The following POLR1G variants were observed in gnomAD, a reference collection of about 807,000 sequenced individuals.
POLR1G encodes the protein DNA-directed RNA polymerase I subunit RPA34.
Under a neutral mutation model 6.3 loss-of-function variants are expected in POLR1G, and 9 were observed. The ratio of observed to expected loss-of-function variants is 1.44; its 90% CI spans 0.87 to 2.51. The LOEUF is 2.51. Ranked by LOEUF, POLR1G falls within the 30% of genes most tolerant of loss-of-function variation. The pLI, the probability that POLR1G is intolerant of heterozygous loss-of-function variation, is 0.00. For missense variants in POLR1G, 617 were observed against 632.5 expected (o/e 0.98, Z 0.26); for synonymous variants, 248 against 256.5 (o/e 0.97, Z 0.32).
At position 45,408,624 on chromosome 19, in the gene POLR1G, A is replaced by G. The variant is rs778011053; in HGVS notation, c.656A>G (p.Gln219Arg). 11 of 1,613,694 alleles carry G rather than the reference A, an allele frequency of 6.8e-6. No homozygotes were observed. Among genetic ancestry groups the G allele is most frequent in the Non-Finnish European group, 9.3e-6 (11 of 1,180,036 alleles). ...DVRKKKKKKN[Q>R]QLKEPEAAGP... ...CGGAAGAAGAAGAAGAAAAAAAATC[A>G]GCAGCTGAAAGAACCAGAGGCAGCA... is the stretch of plus-strand genomic sequence containing the variant. Residue 219 changes from glutamine (Q) to arginine (R), a missense_variant, in exon 3 of 3, where the codon CAG becomes CGG. Coordinates refer to ENST00000309424, the MANE Select transcript of POLR1G (RefSeq NM_012099.3).
chr19:45,406,796 A>AAAGGAGGCGTACCTGCAAG lies in POLR1G; in HGVS notation c.22+79_22+97dup. 1 of 1,352,736 alleles carries AAAGGAGGCGTACCTGCAAG rather than the reference A, an allele frequency of 7.4e-7. No homozygotes were observed. The highest frequency in any genetic ancestry group is 9.9e-7 in the Non-Finnish European group (1 of 1,009,872). The allele number at this position is 1,352,736 out of a possible 1,614,324, so 83.8% of individuals were successfully genotyped here. A position where few individuals can be genotyped will look rare whatever the true frequency, so the allele number is the denominator to read the frequency against. The stretch of plus-strand genomic sequence containing the variant: ...GGGCGTCCGAGAGGGTTCGGGCGGA[A>AAAGGAGGCGTACCTGCAAG]AAGGAGGCGTACCTGCAAGCAGGAC... On this transcript the variant is annotated intron_variant, in intron 1 of 2. Coordinates refer to ENST00000309424, the MANE Select transcript of POLR1G (RefSeq NM_012099.3). The surrounding 1 kb of genome is among the most constrained non-coding windows in gnomAD (Gnocchi z 4.2).
rs371868030 is a variant in POLR1G at position 45,408,955 on chromosome 19, G to C, written c.987G>C (p.Lys329Asn). Residue 329 changes from lysine (K) to asparagine (N), a missense_variant, in exon 3 of 3, where the codon AAG (lysine) becomes AAC (asparagine). Physicochemically the swap from Lys to Asn is moderately conservative, Grantham distance 94. Transcript: ENST00000309424. ...CCATCCCTCTGCCCCCTACGAAGAA[G>C]AGGAAAAAAGAAAAGGGACAGATGG... ...EEAIPLPPTK[K>N]RKKEKGQMAM... The C allele has an allele frequency of 2.5e-6, 4 of 1,613,914 alleles. No individual in the cohort carries two copies. In the African/African-American group the frequency reaches 4.0e-5, roughly 16 times the overall value.
rs756380267 is a variant in POLR1G at position 45,409,170 on chromosome 19, C to T, written c.1202C>T (p.Thr401Ile). 5 of 1,613,548 alleles carry T rather than the reference C, an allele frequency of 3.1e-6. No individual in the cohort carries two copies. The Admixed American group carries it at 8.3e-5, about 27-fold the overall frequency. ...KQQDATVEPE[T>I]EVVGPELPDD... ...CAAGATGCCACAGTGGAGCCAGAGA[C>T]AGAGGTGGTGGGGCCTGAGCTGCCG... Residue 401 changes from threonine to isoleucine, a missense_variant, in exon 3 of 3, where the codon ACA (threonine) becomes ATA (isoleucine). Coordinates refer to ENST00000309424, the MANE Select transcript of POLR1G (RefSeq NM_012099.3).
At position 45,409,895 on chromosome 19, in the gene POLR1G, A is replaced by ATTT. The variant is rs57573120; in HGVS notation, c.*406_*408dup. 196 of 171,570 alleles carry ATTT rather than the reference A, an allele frequency of 1.1e-3. No individual in the cohort carries two copies. Among genetic ancestry groups the ATTT allele is most frequent in the South Asian group, 9.6e-3 (44 of 4,566 alleles). The allele number at this position is 171,570 out of a possible 1,614,324, so 10.6% of individuals were successfully genotyped here. A position where few individuals can be genotyped will look rare whatever the true frequency, so the allele number is the denominator to read the frequency against. On this transcript the variant is annotated 3_prime_UTR_variant, in exon 3 of 3. Coordinates refer to ENST00000309424, the MANE Select transcript of POLR1G (RefSeq NM_012099.3). The stretch of plus-strand genomic sequence containing the variant: ...TTTTTAAGTTATTATTATTATTATT[A>ATTT]TTTTTTTTTTTTTTGAGATGGAGTC...
intron 2 of POLR1G, 43 bp from the exon 3 acceptor site, chr19:45,408,090 C>A (rs1973456649): frequency 1.3e-5 from 19 of 1,509,548 alleles, no homozygotes; most frequent in Non-Finnish European, 1.5e-5. Context: ...CCTTCCCTCT[C>A]CTGTTCCACT....
At position 45,409,240 on chromosome 19, in the gene POLR1G, G is replaced by A; in HGVS notation, c.1272G>A (p.Lys424=). 6.2e-7 allele frequency: 1 copy of A among 1,611,622 alleles called. No homozygotes were observed. Among genetic ancestry groups the A allele is most frequent in the Non-Finnish European group, 8.5e-7 (1 of 1,178,078 alleles). Residue 424 remains lysine (K), a synonymous_variant, in exon 3 of 3, where the codon AAG becomes AAA. Coordinates refer to ENST00000309424, the MANE Select transcript of POLR1G (RefSeq NM_012099.3). ...CAGCTCCCACATCCACCAAGAAGAA[G>A]AAGAAGAAGAAAGAGAGAGGTCACA... ...PQAAPTSTKK[K]KKKKERGHTV... is the part of the protein sequence containing the mutation.
chr19:45,408,223 C>G lies in POLR1G; in HGVS notation c.255C>G (p.Ser85Arg). The G allele has an allele frequency of 6.2e-7, 1 of 1,614,176 alleles. No individual in the cohort carries two copies. The highest frequency in any genetic ancestry group is 1.7e-5 in the Admixed American group (1 of 60,020). The change falls in exon 3 of 3, where the codon AGC becomes AGG. Residue 85 changes from serine to arginine, a missense_variant. By Grantham distance (110) the Ser-to-Arg change is moderately radical. Transcript: ENST00000309424. ...GGCACCGCTATCGAGTCCTCAGCAG[C>G]TGTCCCCAAGCTGGAGAAGCGACCC... ...GKRHRYRVLS[S>R]CPQAGEATLL...
chr19:45,407,180 G>A lies in POLR1G; in HGVS notation c.109G>A (p.Gly37Ser). 6.2e-7 allele frequency: 1 copy of A among 1,613,166 alleles called. No homozygotes were observed. Among genetic ancestry groups the A allele is most frequent in the Non-Finnish European group, 8.5e-7 (1 of 1,179,774 alleles). Residue 37 changes from glycine (G) to serine (S), a missense_variant, in exon 2 of 3, where the codon GGT (glycine) becomes AGT (serine). Coordinates refer to ENST00000309424, the MANE Select transcript of POLR1G (RefSeq NM_012099.3). ...SPRFSLEALT[G>S]PDTELWLIQA... ...TCGTTTCTCCTTGGAGGCGCTGACG[G>A]GTCCAGATACGGAGCTGTGGCTTAT...
chr19:45,406,763 G>A lies in POLR1G; in HGVS notation c.22+45G>A, dbSNP rs1306226918. ...GGGTGCGGAGGGTGCGTTGGTGGAA[G>A]GAGAAAGGGGCGTCCGAGAGGGTTC... On this transcript the variant is annotated intron_variant, in intron 1 of 2. Transcript: ENST00000309424. The surrounding 1 kb of genome is among the most constrained non-coding windows in gnomAD (Gnocchi z 4.2). The A allele has an allele frequency of 2.7e-6, 4 of 1,491,610 alleles. No homozygotes were observed. Among genetic ancestry groups the A allele is most frequent in the East Asian group, 5.3e-5 (2 of 37,742 alleles). 92.4% of individuals were successfully genotyped at this position (1,491,610 alleles called of 1,614,324 possible). A position where few individuals can be genotyped will look rare whatever the true frequency, so the allele number is the denominator to read the frequency against.
rs1309510894 is a variant in POLR1G at position 45,408,136 on chromosome 19, C to G, written c.168C>G (p.Phe56Leu). 1 of 1,595,300 alleles carries G rather than the reference C, an allele frequency of 6.3e-7. No individual in the cohort carries two copies. Residue 56 changes from phenylalanine (F) to leucine (L), a missense_variant, in exon 3 of 3, where the codon TTC becomes TTG. Transcript: ENST00000309424. ...CCCTCCCTGTTTCTCTCTGTAGCTT[C>G]AATGGGCGGCATGTGCCTCTCTCTG... is the stretch of plus-strand genomic sequence containing the variant. ...QAPADFAPEC[F>L]NGRHVPLSGS...
chr19:45,410,598 G>GTGTGTGTGTGTGTGT lies in POLR1G; in HGVS notation c.*1098_*1099insGTGTGTGTGTGTGTT, dbSNP rs1187372053. On this transcript the variant is annotated 3_prime_UTR_variant, in exon 3 of 3. Coordinates refer to ENST00000309424, the MANE Select transcript of POLR1G (RefSeq NM_012099.3). ...GTGTGTGTGTGTGTGTGTGTGTGTG[G>GTGTGTGTGTGTGTGT]TACCCATTAACCTTCCCCATCTCCC... 1.7e-5 allele frequency: 1 copy of GTGTGTGTGTGTGTGT among 58,654 alleles called. No individual in the cohort carries two copies. The highest frequency in any genetic ancestry group is 1.2e-3 in the East Asian group (1 of 838). The allele number at this position is 58,654 out of a possible 1,614,324, so 3.6% of individuals were successfully genotyped here. A position where few individuals can be genotyped will look rare whatever the true frequency, so the allele number is the denominator to read the frequency against.
Position 45,408,826 on chromosome 19 carries a change from G to A in POLR1G, c.858G>A (p.Pro286=), listed in dbSNP as rs139303076. The change falls in exon 3 of 3, where the codon CCG becomes CCA. Residue 286 remains proline (P), a synonymous_variant. Transcript: ENST00000309424. ...CTCTAGAAGACACAGTCCTGTCCCC[G>A]ACCAAAAAGAGAAAGAGGCAAAAGG... ...TEPLEDTVLS[P]TKKRKRQKGT... is the part of the protein sequence containing the mutation. The A allele has an allele frequency of 1.1e-5, 17 of 1,613,922 alleles. No homozygotes were observed. The highest frequency in any genetic ancestry group is 2.2e-5 in the East Asian group (1 of 44,888).
chr19:45,408,470 A>AGG lies in POLR1G; in HGVS notation c.502_503insGG (p.Asn168ArgfsTer15). Reference sequence around the variant, plus strand: ...AGGGCCTAGGTCAGCCTTGGCCCCCAACCTGCTCACCTCAGGGAAGAAGAA... The same window carrying AGG: ...AGGGCCTAGGTCAGCCTTGGCCCCCAGGACCTGCTCACCTCAGGGAAGAAGAA... On this transcript the variant is annotated frameshift_variant, in exon 3 of 3. Transcript: ENST00000309424. LOFTEE classifies it low-confidence loss of function (END_TRUNC). 1 of 1,613,934 alleles carries AGG rather than the reference A, an allele frequency of 6.2e-7. No individual in the cohort carries two copies. Among genetic ancestry groups the AGG allele is most frequent in the Non-Finnish European group, 8.5e-7 (1 of 1,179,950 alleles).
chr19:45,407,136 C>G lies in POLR1G; in HGVS notation c.65C>G (p.Pro22Arg), dbSNP rs757857509. ...FSCPPNFTAK[P>R]PASESPRFSL... ...TGTCCCCCCAACTTTACCGCGAAGC[C>G]CCCAGCCTCAGAGTCCCCTCGTTTC... The change falls in exon 2 of 3, where the codon CCC (proline) becomes CGC (arginine). Residue 22 changes from proline (P) to arginine (R), a missense_variant. Physicochemically the swap from Pro to Arg is moderately radical, Grantham distance 103. Coordinates refer to ENST00000309424, the MANE Select transcript of POLR1G (RefSeq NM_012099.3). 1 of 1,609,896 alleles carries G rather than the reference C, an allele frequency of 6.2e-7. No individual in the cohort carries two copies. Among genetic ancestry groups the G allele is most frequent in the Admixed American group, 1.7e-5 (1 of 58,194 alleles).
At position 45,407,176 on chromosome 19, in the gene POLR1G, G is replaced by C; in HGVS notation, c.105G>C (p.Leu35=). ...SESPRFSLEA[L]TGPDTELWLI... ...CCCCTCGTTTCTCCTTGGAGGCGCT[G>C]ACGGGTCCAGATACGGAGCTGTGGC... Residue 35 remains leucine (L), a synonymous_variant, in exon 2 of 3, where the codon CTG becomes CTC. Coordinates refer to ENST00000309424, the MANE Select transcript of POLR1G (RefSeq NM_012099.3). 1 of 1,613,226 alleles carries C rather than the reference G, an allele frequency of 6.2e-7. No homozygotes were observed. Among genetic ancestry groups the C allele is most frequent in the Middle Eastern group, 1.7e-4 (1 of 6,060 alleles).
At position 45,406,838 on chromosome 19, in the gene POLR1G, T is replaced by C; in HGVS notation, c.22+120T>C. 1 of 1,086,432 alleles carries C rather than the reference T, an allele frequency of 9.2e-7. No individual in the cohort carries two copies. The highest frequency in any genetic ancestry group is 1.3e-6 in the Non-Finnish European group (1 of 783,668). 67.3% of individuals were successfully genotyped at this position (1,086,432 alleles called of 1,614,324 possible). On this transcript the variant is annotated intron_variant, in intron 1 of 2. Transcript: ENST00000309424. This position sits in a 1 kb window ranked among gnomAD's most constrained non-coding sequence, Gnocchi z 4.2. ...AAGCAGGACTTGCGAAGAGCGTGCA[T>C]TCCCAGTGGGCGAACGGGAATTCGA...
chr19:45,408,091 C>G, intron 2 of POLR1G, 42 bp from the exon 3 acceptor site: 1 of 1,511,994 alleles, frequency 6.6e-7, no homozygotes, highest in South Asian at 1.2e-5. Context: ...CTTCCCTCTC[C>G]TGTTCCACTT....
rs1173626984 is a variant in POLR1G at position 45,408,853 on chromosome 19, G to A, written c.885G>A (p.Gly295=). ...CCAAAAAGAGAAAGAGGCAAAAGGGGACGGAAGGGATGGAGCCAGAGGAGG... is the reference window on the plus strand; with the variant it reads ...CCAAAAAGAGAAAGAGGCAAAAGGGAACGGAAGGGATGGAGCCAGAGGAGG... The part of the protein sequence containing the change: ...SPTKKRKRQK[G]TEGMEPEEGV... The change falls in exon 3 of 3, where the codon GGG becomes GGA. Residue 295 remains glycine, a synonymous_variant. Transcript: ENST00000309424. 6.2e-7 allele frequency: 1 copy of A among 1,614,168 alleles called. No homozygotes were observed. Among genetic ancestry groups the A allele is most frequent in the Non-Finnish European group, 8.5e-7 (1 of 1,180,036 alleles).
Position 45,408,486 on chromosome 19 carries a change from G to A in POLR1G, c.518G>A (p.Gly173Glu). The change falls in exon 3 of 3, where the codon GGG (glycine) becomes GAG (glutamate). Residue 173 changes from glycine to glutamate, a missense_variant. Coordinates refer to ENST00000309424, the MANE Select transcript of POLR1G (RefSeq NM_012099.3). Reference sequence around the variant, plus strand: ...TTGGCCCCCAACCTGCTCACCTCAGGGAAGAAGAAAAAGGAGATGCAGGTG... The same window carrying A: ...TTGGCCCCCAACCTGCTCACCTCAGAGAAGAAGAAAAAGGAGATGCAGGTG... ...SALAPNLLTS[G>E]KKKKEMQVTE... The A allele has an allele frequency of 6.2e-7, 1 of 1,613,966 alleles. No individual in the cohort carries two copies. Among genetic ancestry groups the A allele is most frequent in the Non-Finnish European group, 8.5e-7 (1 of 1,179,978 alleles).
Sources: allele counts gnomAD v4.1 joint callset, GRCh38; gene constraint gnomAD v4.1.1; non-coding constraint Gnocchi (gnomAD v3.1); transcripts MANE v1.5; gene names NCBI Gene and HGNC (gene_info 2026-07-23, HGNC 2026-07-21).